TRIOBP: variants seen among roughly 807,000 people sequenced by gnomAD.
TRIOBP encodes TRIO and F-actin binding protein.
TRIOBP carries 169 observed loss-of-function variants against 238.8 expected under a neutral mutation model. The observed-to-expected ratio is 0.71, with a 90% CI of 0.62 to 0.80. The LOEUF is 0.80. TRIOBP is among the 30% of genes least tolerant of loss of function. TRIOBP has a pLI of 0.00. For synonymous variants in TRIOBP, 1,150 were observed against 1,274.4 expected (o/e 0.90, Z 2.08); for missense variants, 2,838 against 3,122.6 (o/e 0.91, Z 2.17).
intron 7 of TRIOBP, among the ~76,000 whole-genome samples, chr22:37,726,743 C>A (rs1042891898): frequency 6.6e-6 from 1 of 152,136 alleles, no homozygotes; most frequent in Non-Finnish European, 1.5e-5. Flanking sequence ...GCAAAGACTG[C>A]AGTCAGGAGG....
rs1182812743 is a variant in TRIOBP at position 37,723,046 on chromosome 22, C to T, written c.629-139C>T. On this transcript the variant is annotated intron_variant, in intron 6 of 23. Transcript: ENST00000644935. Reference sequence around the variant, plus strand: ...AGCCTTGGTCAGAGAGGTGGAGTCACTTGGTACAGACAGTGAGACCTGTAG... The same window carrying T: ...AGCCTTGGTCAGAGAGGTGGAGTCATTTGGTACAGACAGTGAGACCTGTAG... 28 of 804,464 alleles carry T rather than the reference C, an allele frequency of 3.5e-5. No individual in the cohort carries two copies. The East Asian group carries it at 7.5e-4, about 22-fold the overall frequency. 49.8% of individuals were successfully genotyped at this position (804,464 alleles called of 1,614,324 possible).
At chr22:37,711,074 A>T (rs1260968308) in intron 4 of TRIOBP, among the ~76,000 whole-genome samples, 1 of 152,154 alleles carries the variant, frequency 6.6e-6, no homozygotes, top group Non-Finnish European at 1.5e-5. Flanking sequence ...TCCCCCTTTA[A>T]GGTCATGGTA....
In TRIOBP at chr22:37,726,534, G is replaced by T. The variant is rs1461961067; in HGVS notation, c.3947+31G>T. ...CCCGGGGGTGGGGTCAGCCAGGTGGGCTGGGGAGGAGGCTCGGCAGCAGGA... is the reference window on the plus strand; with the variant it reads ...CCCGGGGGTGGGGTCAGCCAGGTGGTCTGGGGAGGAGGCTCGGCAGCAGGA... On this transcript the variant is annotated intron_variant, in intron 7 of 23. Coordinates refer to ENST00000644935, the MANE Select transcript of TRIOBP (RefSeq NM_001039141.3). 2.8e-6 allele frequency: 4 copies of T among 1,442,172 alleles called. No individual in the cohort carries two copies. The African/African-American group carries it at 4.3e-5, about 15-fold the overall frequency. The allele number at this position is 1,442,172 out of a possible 1,614,324, so 89.3% of individuals were successfully genotyped here. A position where few individuals can be genotyped will look rare whatever the true frequency, so the allele number is the denominator to read the frequency against.
In TRIOBP at chr22:37,740,786, T is replaced by G. The variant is rs946805532; in HGVS notation, c.5185-109T>G. ...TGGGAGGAGAGAAAGATGGGAACCCTGGGGCTCCATGGTGGGGGGCACCAC... is the reference window on the plus strand; with the variant it reads ...TGGGAGGAGAGAAAGATGGGAACCCGGGGGCTCCATGGTGGGGGGCACCAC... On this transcript the variant is annotated intron_variant, in intron 10 of 23. Transcript: ENST00000644935. 7 of 1,485,600 alleles carry G rather than the reference T, an allele frequency of 4.7e-6. No homozygotes were observed. The Admixed American group carries it at 7.9e-5, about 17-fold the overall frequency. The allele number at this position is 1,485,600 out of a possible 1,614,324, so 92.0% of individuals were successfully genotyped here.
intron 17 of TRIOBP, among the ~76,000 whole-genome samples, chr22:37,765,236 C>T (rs1926424088): frequency 6.6e-6 from 1 of 152,136 alleles, no homozygotes; most frequent in Admixed American, 6.6e-5. Context: ...GCTGAGATTG[C>T]TCCACTGCAC....
intron 4 of TRIOBP, among the ~76,000 whole-genome samples, chr22:37,712,997 T>TA (rs974331961): frequency 1.0e-4 from 15 of 144,194 alleles, no homozygotes; most frequent in Non-Finnish European, 2.3e-4. Context: ...AATAAATAAA[T>TA]AATAAAATTA....
chr22:37,740,815 A>ATGGGC (rs1924897126), intron 10 of TRIOBP, 80 bp from the exon 11 acceptor site: 1 of 1,544,654 alleles, frequency 6.5e-7, no homozygotes, highest in Non-Finnish European at 8.8e-7. Context: ...GCACCACAGA[A>ATGGGC]TGGGCAGGGG....
intron 16 of TRIOBP, 146 bp downstream of exon 16, chr22:37,758,284 G>A (rs1926053491): frequency 9.3e-6 from 10 of 1,080,866 alleles, no homozygotes; most frequent in Non-Finnish European, 1.3e-5. Context: ...CCACACTCCT[G>A]CGAACTAGAA....
chr22:37,735,368 C>G lies in TRIOBP; in HGVS notation c.5032C>G (p.Leu1678Val). Residue 1678 changes from leucine to valine, a missense_variant, in exon 9 of 24, where the codon CTG becomes GTG. Physicochemically the swap from Leu to Val is conservative, Grantham distance 32 (BLOSUM62 1). This residue lies in a region of TRIOBP where 2,096 missense variants were observed against 2,137.4 expected (regional missense o/e 0.98). Transcript: ENST00000644935. The stretch of plus-strand genomic sequence containing the variant: ...GACAAGAGGACCAGCGACCGCAACT[C>G]TGGCAGGCCTGGAGCAGACGGGCCC... The part of the protein sequence containing the change: ...KVTRGPATAT[L>V]AGLEQTGPLG... 2 of 1,611,586 alleles carry G rather than the reference C, an allele frequency of 1.2e-6. No homozygotes were observed. Among genetic ancestry groups the G allele is most frequent in the Non-Finnish European group, 1.7e-6 (2 of 1,179,144 alleles).
chr22:37,751,904 GTGGGGC>G, intron 12 of TRIOBP, 76 bp downstream of exon 12: 5 of 1,496,706 alleles, frequency 3.3e-6, no homozygotes, highest in Admixed American at 1.7e-5. Flanking sequence ...AGGAGTGGGG[GTGGGGC>G]TGGGGCTGGT....
At chr22:37,757,497 G>C (rs544744655) in intron 15 of TRIOBP, 116 bp from the exon 16 acceptor site, 1 of 1,403,146 alleles carries the variant, frequency 7.1e-7, no homozygotes, top group Admixed American at 2.0e-5. Flanking sequence ...TTCCTTCCCT[G>C]GGGTCTGTCT....
At chr22:37,698,415 C>A (rs913732400) in intron 2 of TRIOBP, among the ~76,000 whole-genome samples, 7 of 112,104 alleles carry the variant, frequency 6.2e-5, no homozygotes, top group African/African-American at 2.4e-4. Context: ...TGCAGCGGGG[C>A]GATCTTAGCT....
At chr22:37,750,521 T>C in intron 11 of TRIOBP, 1 of 401,706 alleles carries the variant, frequency 2.5e-6, no homozygotes, top group Middle Eastern at 3.7e-4. Context: ...TAGCTTGGGA[T>C]CGCCCTGGGC....
At chr22:37,732,082 C>T (rs1924450356) in intron 7 of TRIOBP, among the ~76,000 whole-genome samples, 1 of 152,206 alleles carries the variant, frequency 6.6e-6, no homozygotes, top group Non-Finnish European at 1.5e-5. Context: ...AAAGACATGG[C>T]TCCATTTGCT....
At chr22:37,735,593 C>G (rs569134486) in intron 9 of TRIOBP, 151 bp downstream of exon 9, 2 of 906,280 alleles carry the variant, frequency 2.2e-6, no homozygotes. Flanking sequence ...CAACCCATCC[C>G]GATCACCAAA....
intron 6 of TRIOBP, among the ~76,000 whole-genome samples, chr22:37,720,000 CTT>C (rs869261824): frequency 0.018 from 964 of 54,380 alleles, 197 homozygotes; most frequent in South Asian, 0.022. Context: ...CCCCCCCGCC[CTT>C]TTTTTTTTTT....
At chr22:37,716,969 T>C (rs1216564135) in intron 6 of TRIOBP, among the ~76,000 whole-genome samples, 2 of 152,172 alleles carry the variant, frequency 1.3e-5, no homozygotes, top group South Asian at 2.1e-4. Context: ...TTTCAAAGTA[T>C]TGTGTCCGGA....
chr22:37,738,480 T>C (rs1276824549), intron 9 of TRIOBP, among the ~76,000 whole-genome samples, 162 bp from the exon 10 acceptor site: 1 of 152,102 alleles, frequency 6.6e-6, no homozygotes, highest in East Asian at 1.9e-4. Context: ...GGGTGAGTCA[T>C]GTGATAGACA....
At chr22:37,747,576 C>G (rs1471839937) in intron 11 of TRIOBP, among the ~76,000 whole-genome samples, 5 of 152,174 alleles carry the variant, frequency 3.3e-5, no homozygotes, top group Non-Finnish European at 4.4e-5. Context: ...CCCTGCTGGC[C>G]CTTCCTGTCG....
Sources: allele counts gnomAD v4.1 joint callset (sites outside exome capture counted in the v4.1 genomes callset), GRCh38; gene constraint gnomAD v4.1.1; regional missense constraint gnomAD v4.1.1; transcripts MANE v1.5; gene names NCBI Gene and HGNC (gene_info 2026-07-23, HGNC 2026-07-21).